FRYL: variants seen among roughly 807,000 people sequenced by gnomAD.
FRYL encodes FRY like transcription coactivator, also known as protein furry homolog-like.
In FRYL, 150 loss-of-function variants were observed where a neutral mutation model predicts 351.2. The ratio of observed to expected loss-of-function variants is 0.43; its 90% CI spans 0.37 to 0.49. FRYL has a LOEUF of 0.49. Among genes scored for constraint, FRYL ranks in the 20% least tolerant of loss-of-function variants. FRYL has a pLI of 0.00. For missense variants in FRYL, 3,036 were observed against 3,619.3 expected (o/e 0.84, Z 4.13); for synonymous variants, 1,153 against 1,257.1 (o/e 0.92, Z 1.75).
intron 1 of FRYL, among the ~76,000 whole-genome samples, chr4:48,734,084 A>G: frequency 6.9e-6 from 1 of 145,580 alleles, no homozygotes; most frequent in Admixed American, 6.8e-5. Context: ...CTAAACATCA[A>G]TGGTCTAAAT....
intron 30 of FRYL, among the ~76,000 whole-genome samples, chr4:48,564,320 T>C (rs1466196409): frequency 2.0e-5 from 3 of 152,232 alleles, no homozygotes; most frequent in East Asian, 3.8e-4. Flanking sequence ...CGAGCCTCTC[T>C]AGTATGATTT....
intron 1 of FRYL, among the ~76,000 whole-genome samples, chr4:48,734,682 G>A (rs79571128): frequency 5.9e-5 from 9 of 152,230 alleles, no homozygotes; most frequent in East Asian, 1.9e-4. Flanking sequence ...ATAAAAATAC[G>A]TTTAAATCTT....
intron 1 of FRYL, among the ~76,000 whole-genome samples, chr4:48,719,823 A>G (rs1769260888): frequency 6.6e-6 from 1 of 151,682 alleles, no homozygotes; most frequent in African/African-American, 2.4e-5. Context: ...GGAAGAGTGG[A>G]GCAAGGTAAT....
intron 1 of FRYL, among the ~76,000 whole-genome samples, chr4:48,741,022 T>C (rs556413877): frequency 4.0e-5 from 6 of 150,412 alleles, no homozygotes; most frequent in East Asian, 1.9e-4. Flanking sequence ...TGTCGGTGAA[T>C]AGATTTGATG....
chr4:48,596,839 T>C (rs1184390429), intron 13 of FRYL, among the ~76,000 whole-genome samples: 1 of 152,050 alleles, frequency 6.6e-6, no homozygotes, highest in African/African-American at 2.4e-5. Flanking sequence ...AATTTTGAAA[T>C]GTAGCTAATA....
At chr4:48,561,703 T>C (rs1735535345) in intron 32 of FRYL, 67 bp from the exon 33 acceptor site, 1 of 1,246,966 alleles carries the variant, frequency 8.0e-7, no homozygotes, top group Non-Finnish European at 1.1e-6. Context: ...TAACTATAAT[T>C]TTATAATTTT....
chr4:48,510,471 G>A (rs1210192014), intron 58 of FRYL, among the ~76,000 whole-genome samples: 1 of 152,088 alleles, frequency 6.6e-6, no homozygotes, highest in African/African-American at 2.4e-5. Flanking sequence ...ATATAATCTA[G>A]AAGTGTGCTT....
chr4:48,705,480 A>C (rs906033602), intron 2 of FRYL, among the ~76,000 whole-genome samples: 6 of 151,454 alleles, frequency 4.0e-5, no homozygotes, highest in Admixed American at 6.6e-5. Flanking sequence ...AAAAAAAAAA[A>C]ACAAAAAACA....
intron 1 of FRYL, among the ~76,000 whole-genome samples, chr4:48,717,766 T>C (rs1769029599): frequency 6.6e-6 from 1 of 151,326 alleles, no homozygotes; most frequent in Non-Finnish European, 1.5e-5. Context: ...AGTCTCTATT[T>C]CCTGGCCTCA....
chr4:48,530,482 C>T (rs1041584927), intron 50 of FRYL, among the ~76,000 whole-genome samples: 4 of 152,096 alleles, frequency 2.6e-5, no homozygotes, highest in Admixed American at 2.6e-4. Flanking sequence ...AAAATGCAAA[C>T]CCTAATACGC....
intron 1 of FRYL, among the ~76,000 whole-genome samples, chr4:48,745,743 A>T (rs1553879975): frequency 6.6e-6 from 1 of 152,162 alleles, no homozygotes; most frequent in Non-Finnish European, 1.5e-5. Flanking sequence ...CCTAGAACTT[A>T]AATAATAATA....
intron 47 of FRYL, among the ~76,000 whole-genome samples, chr4:48,537,169 T>A (rs1729072090): frequency 6.6e-6 from 1 of 152,202 alleles, no homozygotes; most frequent in African/African-American, 2.4e-5. Flanking sequence ...CATAAAAAAC[T>A]TTCCTGAAGA....
At chr4:48,671,116 T>C (rs578161120) in intron 3 of FRYL, among the ~76,000 whole-genome samples, 235 of 152,320 alleles carry the variant, frequency 1.5e-3, no homozygotes, top group African/African-American at 5.3e-3. Flanking sequence ...CGTTTGTTAC[T>C]GCCTGTCTTT....
chr4:48,588,666 T>C (rs780206029), intron 18 of FRYL, among the ~76,000 whole-genome samples: 3 of 152,218 alleles, frequency 2.0e-5, no homozygotes, highest in Admixed American at 6.5e-5. Context: ...AAAAAAGGCA[T>C]TGGCCCATGG....
chr4:48,712,228 G>A (rs189301578), intron 1 of FRYL, among the ~76,000 whole-genome samples: 358 of 152,326 alleles, frequency 2.4e-3, no homozygotes, highest in African/African-American at 8.3e-3. Flanking sequence ...GAATGACTTT[G>A]ACGAGTTGAG....
At position 48,759,236 on chromosome 4, in the gene FRYL, TA is replaced by T. The variant is rs916682520; in HGVS notation, c.-384+20841del. On this transcript the variant is annotated intron_variant, in intron 1 of 63. Coordinates refer to ENST00000358350, the MANE Select transcript of FRYL (RefSeq NM_015030.2). ...TATAGAACTTAAAGTATAATAATAA[TA>T]AAAAAAAGAAAGAAACAGGCTTCTG... is the stretch of plus-strand genomic sequence containing the variant. 7.3e-5 allele frequency among the ~76,000 whole-genome samples: 11 copies of T among 151,334 alleles called. 3 individuals are homozygous for T. The highest frequency in any genetic ancestry group is 2.1e-4 in the South Asian group (1 of 4,778).
intron 3 of FRYL, among the ~76,000 whole-genome samples, chr4:48,671,858 C>CAAAACAAAAAAA (rs1762753377): frequency 8.9e-5 from 2 of 22,400 alleles, no homozygotes; most frequent in South Asian, 2.4e-3. Flanking sequence ...GTCTCAAAAA[C>CAAAACAAAAAAA]AAAAAAAAAA....
At chr4:48,694,811 C>T (rs996089792) in intron 2 of FRYL, among the ~76,000 whole-genome samples, 5 of 152,142 alleles carry the variant, frequency 3.3e-5, no homozygotes, top group African/African-American at 1.2e-4. Context: ...ATAGCTCACT[C>T]CTGTAATCTC....
At position 48,595,582 on chromosome 4, in the gene FRYL, G is replaced by A; in HGVS notation, c.1248+8C>T. 6 of 1,488,068 alleles carry A rather than the reference G, an allele frequency of 4.0e-6. No homozygotes were observed. Among genetic ancestry groups the A allele is most frequent in the Non-Finnish European group, 5.6e-6 (6 of 1,072,094 alleles). The allele number at this position is 1,488,068 out of a possible 1,614,324, so 92.2% of individuals were successfully genotyped here. ...ATATACATACATACTATGAGATGAA[G>A]CACTCACCTGAGCAATGAACTGAAT... is the stretch of plus-strand genomic sequence containing the variant. On this transcript the variant is annotated splice_region_variant and intron_variant, in intron 15 of 63. Transcript: ENST00000358350.
Sources: gnomAD v4.1 joint callset for allele counts (sites outside exome capture counted in the v4.1 genomes callset) on GRCh38, gnomAD v4.1.1 for gene constraint, MANE v1.5 for transcripts, NCBI Gene and HGNC (gene_info 2026-07-23, HGNC 2026-07-21) for gene names.